Variants in SCN10A observed in about 807,000 individuals in gnomAD.
SCN10A encodes the protein sodium channel protein type 10 subunit alpha.
In SCN10A, 162 loss-of-function variants were observed where a neutral mutation model predicts 170.7. That is an observed-to-expected ratio of 0.95 (90% CI 0.84 to 1.08). The LOEUF (loss-of-function observed/expected upper bound fraction) is 1.08. Among genes scored for constraint, SCN10A ranks in the 50% least tolerant of loss-of-function variants. SCN10A has a pLI of 0.00. For missense variants in SCN10A, 2,527 were observed against 2,436.9 expected (o/e 1.04, Z -0.78); for synonymous variants, 985 against 904.6 (o/e 1.09, Z -1.59).
chr3:38,795,301 G>A (rs2064332348), intron 1 of SCN10A, among the ~76,000 whole-genome samples: 1 of 151,570 alleles, frequency 6.6e-6, no homozygotes, highest in Non-Finnish European at 1.5e-5. Flanking sequence ...AAAGTCAGGG[G>A]GCCCTTCTCA....
At chr3:38,791,861 G>A (rs913450275) in intron 3 of SCN10A, among the ~76,000 whole-genome samples, 189 bp downstream of exon 3, 2 of 152,164 alleles carry the variant, frequency 1.3e-5, no homozygotes, top group African/African-American at 2.4e-5. Flanking sequence ...CACTTCTTCT[G>A]TGTCTTGGGA....
chr3:38,795,369 G>A (rs1471358698), intron 1 of SCN10A, among the ~76,000 whole-genome samples: 1 of 146,782 alleles, frequency 6.8e-6, no homozygotes, highest in Non-Finnish European at 1.5e-5. Context: ...TTGAGACAGG[G>A]TATCACTGTC....
chr3:38,777,603 A>T (rs2064090790), intron 4 of SCN10A, among the ~76,000 whole-genome samples: 1 of 152,082 alleles, frequency 6.6e-6, no homozygotes, highest in African/African-American at 2.4e-5. Context: ...GTGACCCTTA[A>T]ACTGATATGG....
chr3:38,793,222 A>C (rs2064307070), intron 2 of SCN10A, among the ~76,000 whole-genome samples: 2 of 152,162 alleles, frequency 1.3e-5, no homozygotes, highest in South Asian at 4.1e-4. Flanking sequence ...CCAATGTATG[A>C]TCATAAGAGA....
chr3:38,761,068 T>C (rs1411120698), intron 7 of SCN10A, 124 bp downstream of exon 7: 3 of 766,896 alleles, frequency 3.9e-6, no homozygotes, highest in South Asian at 1.9e-5. Flanking sequence ...GAGAACCATT[T>C]TGGCAGGAAA....
At chr3:38,814,577 C>A (rs188383893) in intron 1 of SCN10A, among the ~76,000 whole-genome samples, 5 of 152,328 alleles carry the variant, frequency 3.3e-5, no homozygotes, top group Middle Eastern at 3.4e-3. Context: ...TTTACCATTA[C>A]AGACCATTCT....
chr3:38,762,788 C>G, intron 6 of SCN10A, among the ~76,000 whole-genome samples: 1 of 152,184 alleles, frequency 6.6e-6, no homozygotes, highest in Admixed American at 6.5e-5. Context: ...GACTTCCACT[C>G]TAGAATGGGT....
At chr3:38,770,468 G>C (rs558679007) in intron 5 of SCN10A, among the ~76,000 whole-genome samples, 1 of 152,048 alleles carries the variant, frequency 6.6e-6, no homozygotes, top group Non-Finnish European at 1.5e-5. Flanking sequence ...AGGCCAGTGG[G>C]GTTGTGTTCC....
chr3:38,711,420 A>C (rs183799730), intron 23 of SCN10A, among the ~76,000 whole-genome samples: 223 of 152,236 alleles, frequency 1.5e-3, no homozygotes, highest in Non-Finnish European at 2.4e-3. Flanking sequence ...TAGTTCTTAC[A>C]CTCCTAGGCC....
At chr3:38,716,375 T>C (rs6803189) in intron 21 of SCN10A, among the ~76,000 whole-genome samples, 31,817 of 151,916 alleles carry the variant, frequency 0.21, 5,537 homozygotes, top group African/African-American at 0.47. Context: ...CTCATGATAG[T>C]GAATAAGTTT....
At chr3:38,747,074 A>G (rs1031682753) in intron 13 of SCN10A, among the ~76,000 whole-genome samples, 3 of 152,166 alleles carry the variant, frequency 2.0e-5, no homozygotes, top group African/African-American at 7.2e-5. Flanking sequence ...CCAACCAGAG[A>G]AGATGATGTG....
chr3:38,731,714 T>G (rs796383620), intron 15 of SCN10A, among the ~76,000 whole-genome samples: 13 of 152,326 alleles, frequency 8.5e-5, no homozygotes, highest in African/African-American at 2.9e-4. Flanking sequence ...TTCCACTTCA[T>G]ATTGCATACT....
chr3:38,765,504 A>G (rs1372554740), intron 5 of SCN10A, among the ~76,000 whole-genome samples: 5 of 152,076 alleles, frequency 3.3e-5, no homozygotes, highest in African/African-American at 9.7e-5. Flanking sequence ...TTGCTTTTTC[A>G]AAGATCAGTT....
intron 4 of SCN10A, among the ~76,000 whole-genome samples, chr3:38,781,765 G>A (rs1228484035): frequency 1.3e-5 from 2 of 152,050 alleles, no homozygotes; most frequent in Admixed American, 6.6e-5. Flanking sequence ...TAGTTATAAT[G>A]ATTTAATATT....
intron 4 of SCN10A, among the ~76,000 whole-genome samples, chr3:38,787,678 T>C (rs936062257): frequency 2.6e-5 from 4 of 152,176 alleles, no homozygotes; most frequent in African/African-American, 9.7e-5. Context: ...ATCCCCTTTT[T>C]AAAATTATTA....
In SCN10A at chr3:38,697,327, T is replaced by C; in HGVS notation, c.*22A>G. ...CAGAAGGACGCATCATAACTGAACA[T>C]ATCCAGGCTGGAGTGTTCTCACTAG... On this transcript the variant is annotated 3_prime_UTR_variant, in exon 28 of 28. Coordinates refer to ENST00000449082, the MANE Select transcript of SCN10A (RefSeq NM_006514.4). The C allele has an allele frequency of 1.2e-6, 2 of 1,609,552 alleles. No individual in the cohort carries two copies. The highest frequency in any genetic ancestry group is 8.5e-7 in the Non-Finnish European group (1 of 1,176,786).
At chr3:38,773,276 C>T (rs2064031275) in intron 4 of SCN10A, among the ~76,000 whole-genome samples, 1 of 152,028 alleles carries the variant, frequency 6.6e-6, no homozygotes, top group African/African-American at 2.4e-5. Context: ...AGGCCAACAG[C>T]CTGGGCAGCA....
chr3:38,772,939 A>G (rs1373015945), intron 4 of SCN10A, among the ~76,000 whole-genome samples: 1 of 152,204 alleles, frequency 6.6e-6, no homozygotes, highest in Non-Finnish European at 1.5e-5. Context: ...AAGTGGAACA[A>G]AAAAGCAGAA....
Position 38,726,658 on chromosome 3 carries a change from T to A in SCN10A, c.3035A>T (p.Asp1012Val), listed in dbSNP as rs1181696390. The A allele has an allele frequency of 6.2e-7, 1 of 1,606,680 alleles. No homozygotes were observed. The highest frequency in any genetic ancestry group is 2.2e-5 in the East Asian group (1 of 44,620). The change falls in exon 17 of 28, where the codon GAT becomes GTT. Residue 1012 changes from aspartate (D) to valine (V), a missense_variant. Asp to Val is a radical substitution (Grantham distance 152). Transcript: ENST00000449082. ...GAAGCTCTGAGCATCTTCCCCACCA[T>A]CATCCTCCAAGTCATCAAGATCAGA... ...GESDLDDLED[D>V]GGEDAQSFQQ...
Sources: gnomAD v4.1 joint callset for allele counts (sites outside exome capture counted in the v4.1 genomes callset) on GRCh38, gnomAD v4.1.1 for gene constraint, MANE v1.5 for transcripts, NCBI Gene and HGNC (gene_info 2026-07-23, HGNC 2026-07-21) for gene names.